Variants in FBXW2 observed in about 807,000 individuals in gnomAD.
The protein encoded by FBXW2 is F-box/WD repeat-containing protein 2.
In FBXW2, 12 loss-of-function variants were observed where a neutral mutation model predicts 46.0. That is an observed-to-expected ratio of 0.26 (90% CI 0.17 to 0.42). The LOEUF (loss-of-function observed/expected upper bound fraction) is 0.42, where lower values mean the gene tolerates loss of function less well. Among genes scored for constraint, FBXW2 ranks in the 10% least tolerant of loss-of-function variants. FBXW2 has a pLI of 1.00. For synonymous variants in FBXW2, 203 were observed against 209.6 expected (o/e 0.97, Z 0.27); for missense variants, 360 against 537.0 (o/e 0.67, Z 3.26).
At chr9:120,778,265 A>T in intron 4 of FBXW2, 86 bp downstream of exon 4, 1 of 1,064,242 alleles carries the variant, frequency 9.4e-7, no homozygotes, top group Non-Finnish European at 1.3e-6. Flanking sequence ...GGTTAAATTA[A>T]AAAAAAAAAA....
rs2044546271 is a variant in FBXW2, at chr9:120,778,483, G to A, written c.553C>T (p.Gln185Ter). The change falls in exon 4 of 8, where the codon CAG (glutamine) becomes TAG (stop). Residue 185 changes from glutamine to a stop codon, truncating the protein, a stop_gained. Coordinates refer to ENST00000608872, the MANE Select transcript of FBXW2 (RefSeq NM_012164.4). LOFTEE classifies it high-confidence loss of function. ...TTCACCGCTGCACAAGTGTGGGTCT[G>A]GATGCCATAAACGCACTGCCCTGTG... ...VSTGQCVYGI[Q>*]THTCAAVKFD... is the part of the protein sequence containing the mutation. 1 of 1,613,998 alleles carries A rather than the reference G, an allele frequency of 6.2e-7. No individual in the cohort carries two copies. Among genetic ancestry groups the A allele is most frequent in the South Asian group, 1.1e-5 (1 of 91,080 alleles).
chr9:120,772,468 G>A (rs2044398901), intron 6 of FBXW2, among the ~76,000 whole-genome samples: 1 of 150,190 alleles, frequency 6.7e-6, no homozygotes, highest in South Asian at 2.1e-4. Flanking sequence ...ACTCCAACCT[G>A]GGCAACAGAG....
At chr9:120,773,648 C>G (rs1450196888) in intron 5 of FBXW2, among the ~76,000 whole-genome samples, 1 of 152,212 alleles carries the variant, frequency 6.6e-6, no homozygotes, top group Non-Finnish European at 1.5e-5. Flanking sequence ...AGAGGGGAAG[C>G]AGGGTTCACT....
intron 3 of FBXW2, among the ~76,000 whole-genome samples, chr9:120,783,999 TACAATTCTGTCACAAATACCTCTCTTC>T (rs2044668698): frequency 6.6e-6 from 1 of 152,214 alleles, no homozygotes; most frequent in African/African-American, 2.4e-5. Flanking sequence ...CAAACACATG[TACAATTCTGTCACAAATACCTCTCTTC>T]ACAGTTCCAG....
chr9:120,787,866 C>G lies in FBXW2; in HGVS notation c.393G>C (p.Lys131Asn). Reference sequence around the variant, plus strand: ...CAAAGGCTTCATGGTCCTCCAGTTGCTTCATTCTCAAAATAGCCTTCAAAT... The same window carrying G: ...CAAAGGCTTCATGGTCCTCCAGTTGGTTCATTCTCAAAATAGCCTTCAAAT... ...KVYLKAILRM[K>N]QLEDHEAFET... is the part of the protein sequence containing the mutation. Residue 131 changes from lysine (K) to asparagine (N), a missense_variant, in exon 3 of 8, where the codon AAG becomes AAC. Lys to Asn is a moderately conservative substitution (Grantham distance 94). Transcript: ENST00000608872. 6.2e-7 allele frequency: 1 copy of G among 1,614,230 alleles called. No homozygotes were observed. The highest frequency in any genetic ancestry group is 8.5e-7 in the Non-Finnish European group (1 of 1,180,046).
At chr9:120,790,762 C>A (rs1038827088) in intron 2 of FBXW2, among the ~76,000 whole-genome samples, 2 of 152,082 alleles carry the variant, frequency 1.3e-5, no homozygotes, top group African/African-American at 4.8e-5. Context: ...ATGCCAAATT[C>A]ACATGTATAC....
At position 120,757,243 on chromosome 9, in the gene FBXW2, A is replaced by G. The variant is rs2044142685; in HGVS notation, c.*7316T>C. 1 of 152,238 alleles carries G rather than the reference A, an allele frequency of 6.6e-6. No individual in the cohort carries two copies. The highest frequency in any genetic ancestry group is 6.5e-5 in the Admixed American group (1 of 15,284). The allele number at this position is 152,238 out of a possible 1,614,324, so 9.4% of individuals were successfully genotyped here. On this transcript the variant is annotated 3_prime_UTR_variant, in exon 8 of 8. Coordinates refer to ENST00000608872, the MANE Select transcript of FBXW2 (RefSeq NM_012164.4). ...TTCCTTTATATCTATTAAATTGGCAAACATGTTTAGAAATGTTCTTTCTTG... is the reference window on the plus strand; with the variant it reads ...TTCCTTTATATCTATTAAATTGGCAGACATGTTTAGAAATGTTCTTTCTTG...
intron 3 of FBXW2, among the ~76,000 whole-genome samples, chr9:120,782,868 A>G (rs1202484011): frequency 6.6e-6 from 1 of 152,160 alleles, no homozygotes; most frequent in Non-Finnish European, 1.5e-5. Flanking sequence ...AACCCCCCCA[A>G]AAACAAACAA....
chr9:120,771,143 G>C (rs899683122), intron 7 of FBXW2, among the ~76,000 whole-genome samples: 5 of 152,188 alleles, frequency 3.3e-5, no homozygotes, highest in African/African-American at 1.2e-4. Flanking sequence ...GTTCCAGTAC[G>C]TAACTCTTTT....
At position 120,763,091 on chromosome 9, in the gene FBXW2, C is replaced by T. The variant is rs561607139; in HGVS notation, c.*1468G>A. The T allele has an allele frequency of 7.6e-4, 115 of 152,258 alleles. No individual in the cohort carries two copies. Among genetic ancestry groups the T allele is most frequent in the African/African-American group, 2.7e-3 (112 of 41,538 alleles). 9.4% of individuals were successfully genotyped at this position (152,258 alleles called of 1,614,324 possible). A position where few individuals can be genotyped will look rare whatever the true frequency, so the allele number is the denominator to read the frequency against. On this transcript the variant is annotated 3_prime_UTR_variant, in exon 8 of 8. Transcript: ENST00000608872. ...TCAAATTTTCTTTAATCAGTTGTAA[C>T]GTTTTAAAAATCCAGGATTTCAAAT...
In FBXW2 at chr9:120,792,779, C is replaced by T. The variant is rs190830128; in HGVS notation, c.-21+370G>A. ...AAGACAGTGCAAGTAAAGCGTTTAGCACAGTACTCGGCACGCTGTAAGCCT... is the reference window on the plus strand; with the variant it reads ...AAGACAGTGCAAGTAAAGCGTTTAGTACAGTACTCGGCACGCTGTAAGCCT... On this transcript the variant is annotated intron_variant, in intron 2 of 7. Transcript: ENST00000608872. 1.7e-4 allele frequency: 158 copies of T among 911,474 alleles called. No individual in the cohort carries two copies. The Middle Eastern group carries it at 1.8e-3, about 10-fold the overall frequency. 56.5% of individuals were successfully genotyped at this position (911,474 alleles called of 1,614,324 possible). A position where few individuals can be genotyped will look rare whatever the true frequency, so the allele number is the denominator to read the frequency against.
chr9:120,781,500 A>G (rs926757954), intron 3 of FBXW2, among the ~76,000 whole-genome samples: 6 of 152,166 alleles, frequency 3.9e-5, no homozygotes, highest in African/African-American at 1.2e-4. Context: ...CCTTATTTGC[A>G]TATCAGAAAG....
rs776658701 is a variant in FBXW2 at position 120,761,911 on chromosome 9, G to A, written c.*2648C>T. The stretch of plus-strand genomic sequence containing the variant: ...ACATACTATATACAGCTTCAAGTTT[G>A]TCACTTTTTAATAAAACTTTTCCCA... On this transcript the variant is annotated 3_prime_UTR_variant, in exon 8 of 8. Coordinates refer to ENST00000608872, the MANE Select transcript of FBXW2 (RefSeq NM_012164.4). 2.0e-5 allele frequency: 3 copies of A among 152,090 alleles called. No homozygotes were observed. Among genetic ancestry groups the A allele is most frequent in the Non-Finnish European group, 4.4e-5 (3 of 68,004 alleles). The allele number at this position is 152,090 out of a possible 1,614,324, so 9.4% of individuals were successfully genotyped here.
intron 5 of FBXW2, among the ~76,000 whole-genome samples, chr9:120,773,972 C>G (rs2044435358): frequency 6.6e-6 from 1 of 152,216 alleles, no homozygotes; most frequent in African/African-American, 2.4e-5. Context: ...GGGAGGACTG[C>G]TTGAGGCCAG....
intron 5 of FBXW2, 52 bp downstream of exon 5, chr9:120,776,041 G>A (rs376924309): frequency 6.7e-5 from 108 of 1,601,884 alleles, no homozygotes; most frequent in Middle Eastern, 1.7e-4. Flanking sequence ...CATCCTCCAC[G>A]CCCTCCCTCA....
At chr9:120,769,885 T>C (rs1288389180) in intron 7 of FBXW2, among the ~76,000 whole-genome samples, 2 of 152,246 alleles carry the variant, frequency 1.3e-5, no homozygotes, top group Non-Finnish European at 2.9e-5. Context: ...TTCAGTCTTT[T>C]TTCTCAAAGC....
rs2044763710 is a variant in FBXW2 at position 120,788,251 on chromosome 9, C to G, written c.8G>C (p.Arg3Thr). 6.2e-7 allele frequency: 1 copy of G among 1,613,332 alleles called. No homozygotes were observed. The highest frequency in any genetic ancestry group is 8.5e-7 in the Non-Finnish European group (1 of 1,180,018). The change falls in exon 3 of 8, where the codon AGA (arginine) becomes ACA (threonine). Residue 3 changes from arginine (R) to threonine (T), a missense_variant. By Grantham distance (71) the Arg-to-Thr change is moderately conservative (BLOSUM62 -1). Coordinates refer to ENST00000608872, the MANE Select transcript of FBXW2 (RefSeq NM_012164.4). ...ATCAAGCCATGTCTCAAAGTCCTTT[C>G]TCTCCATAAGGTTATGGAAAAATTT... ME[R>T]KDFETWLDNI...
chr9:120,781,671 C>CAT (rs1554808319), intron 3 of FBXW2, among the ~76,000 whole-genome samples: 12,769 of 148,236 alleles, frequency 0.086, 611 homozygotes, highest in Middle Eastern at 0.14. Context: ...CACACACACA[C>CAT]ACACATACAC....
chr9:120,771,523 G>A lies in FBXW2; in HGVS notation c.907-6C>T. On this transcript the variant is annotated splice_polypyrimidine_tract_variant and splice_region_variant and intron_variant, in intron 6 of 7. Transcript: ENST00000608872. Reference sequence around the variant, plus strand: ...TCTCTCCCAATTGGCCAAATCTACAGAAAAAAGAAAATGAGGAAAGATGAG... The same window carrying A: ...TCTCTCCCAATTGGCCAAATCTACAAAAAAAAGAAAATGAGGAAAGATGAG... 1 of 1,603,430 alleles carries A rather than the reference G, an allele frequency of 6.2e-7. No homozygotes were observed. The highest frequency in any genetic ancestry group is 8.5e-7 in the Non-Finnish European group (1 of 1,176,176).
Sources: allele counts gnomAD v4.1 joint callset (sites outside exome capture counted in the v4.1 genomes callset), GRCh38; gene constraint gnomAD v4.1.1; transcripts MANE v1.5; gene names NCBI Gene and HGNC (gene_info 2026-07-23, HGNC 2026-07-21).